The following RUNDC3B variants were observed in gnomAD, a reference collection of about 807,000 sequenced individuals.
The protein encoded by RUNDC3B is RUN domain containing 3B.
Under a neutral mutation model 58.4 loss-of-function variants are expected in RUNDC3B, and 33 were observed. The ratio of observed to expected loss-of-function variants is 0.56; its 90% CI spans 0.43 to 0.75. The LOEUF is 0.75. Ranked by LOEUF, RUNDC3B falls within the 30% of genes least tolerant of loss-of-function variation. RUNDC3B has a pLI of 0.00. For synonymous variants in RUNDC3B, 193 were observed against 195.2 expected (o/e 0.99, Z 0.10); for missense variants, 501 against 535.7 (o/e 0.94, Z 0.64).
intron 10 of RUNDC3B, among the ~76,000 whole-genome samples, chr7:87,817,668 A>G (rs1015005206): frequency 6.6e-6 from 1 of 152,142 alleles, no homozygotes; most frequent in African/African-American, 2.4e-5. Flanking sequence ...ACTGACTGCC[A>G]TACTGTAAAT....
At chr7:87,741,391 T>C (rs1832317362) in intron 5 of RUNDC3B, 108 bp from the exon 6 acceptor site, 9 of 593,770 alleles carry the variant, frequency 1.5e-5, no homozygotes, top group Non-Finnish European at 2.6e-5. Flanking sequence ...AAAAATTCGC[T>C]TGCCATTTGA....
chr7:87,629,974 G>GT (rs1821044074), intron 1 of RUNDC3B, among the ~76,000 whole-genome samples: 1 of 151,726 alleles, frequency 6.6e-6, no homozygotes, highest in Non-Finnish European at 1.5e-5. Context: ...GAGATAACTG[G>GT]TTTTTAACAT....
chr7:87,825,484 C>G (rs796234148), intron 10 of RUNDC3B, among the ~76,000 whole-genome samples: 2 of 152,184 alleles, frequency 1.3e-5, no homozygotes, highest in African/African-American at 4.8e-5. Context: ...AGGGGTGGGG[C>G]CCTCATGAAG....
At chr7:87,640,772 C>T (rs1282810180) in intron 1 of RUNDC3B, among the ~76,000 whole-genome samples, 1 of 152,084 alleles carries the variant, frequency 6.6e-6, no homozygotes, top group Non-Finnish European at 1.5e-5. Flanking sequence ...TCTATTGACT[C>T]CTTTTCTAGT....
chr7:87,739,321 C>T (rs1243238238), intron 4 of RUNDC3B, among the ~76,000 whole-genome samples: 5 of 151,940 alleles, frequency 3.3e-5, no homozygotes, highest in Admixed American at 2.6e-4. Context: ...CTCCCAAATT[C>T]TTAACTTACT....
intron 4 of RUNDC3B, among the ~76,000 whole-genome samples, chr7:87,738,016 T>C (rs919088007): frequency 6.6e-6 from 1 of 152,098 alleles, no homozygotes; most frequent in Non-Finnish European, 1.5e-5. Context: ...CAAGCAAGAA[T>C]AGTTTTGAGC....
chr7:87,778,628 A>C (rs1013637974), intron 8 of RUNDC3B, among the ~76,000 whole-genome samples: 3 of 152,182 alleles, frequency 2.0e-5, no homozygotes, highest in African/African-American at 7.2e-5. Context: ...AGCGCTACTC[A>C]AAGTATAGTG....
chr7:87,780,264 C>T (rs901314934), intron 8 of RUNDC3B, among the ~76,000 whole-genome samples: 4 of 152,168 alleles, frequency 2.6e-5, no homozygotes, highest in African/African-American at 7.2e-5. Context: ...TAAGCATTCC[C>T]TTTTCTCCAT....
chr7:87,664,798 A>G (rs1346078783), intron 2 of RUNDC3B, among the ~76,000 whole-genome samples: 1 of 152,178 alleles, frequency 6.6e-6, no homozygotes, highest in Non-Finnish European at 1.5e-5. Flanking sequence ...AGAGATTAAT[A>G]TAGAAAATAC....
intron 2 of RUNDC3B, among the ~76,000 whole-genome samples, chr7:87,687,304 A>C (rs28381742): frequency 1.9e-3 from 282 of 152,108 alleles, no homozygotes; most frequent in African/African-American, 6.6e-3. Context: ...TAAGGAGCAC[A>C]CTTCTTCTAG....
At chr7:87,745,930 G>C (rs1307945477) in intron 6 of RUNDC3B, among the ~76,000 whole-genome samples, 1 of 152,028 alleles carries the variant, frequency 6.6e-6, no homozygotes, top group Non-Finnish European at 1.5e-5. Context: ...TTTTGATATA[G>C]GTATTTAGGG....
intron 6 of RUNDC3B, among the ~76,000 whole-genome samples, chr7:87,747,729 C>T (rs1306611452): frequency 6.6e-6 from 1 of 152,060 alleles, no homozygotes; most frequent in African/African-American, 2.4e-5. Context: ...TTATGGCTGC[C>T]TCTGCTGAGA....
At chr7:87,681,186 G>A (rs1826895265) in intron 2 of RUNDC3B, among the ~76,000 whole-genome samples, 2 of 150,560 alleles carry the variant, frequency 1.3e-5, no homozygotes, top group African/African-American at 4.9e-5. Flanking sequence ...AGTTGAATCA[G>A]TATTTAAAAC....
At chr7:87,795,417 A>G (rs1835761152) in intron 8 of RUNDC3B, among the ~76,000 whole-genome samples, 1 of 152,354 alleles carries the variant, frequency 6.6e-6, no homozygotes, top group Non-Finnish European at 1.5e-5. Context: ...GCAGATCAAA[A>G]TTACAATGAG....
chr7:87,786,706 G>C (rs1163859211), intron 8 of RUNDC3B, among the ~76,000 whole-genome samples: 2 of 151,874 alleles, frequency 1.3e-5, no homozygotes, highest in Non-Finnish European at 2.9e-5. Context: ...TTTTTCAAAA[G>C]AGATGTTTTC....
chr7:87,720,901 T>C (rs1364603716), intron 4 of RUNDC3B, among the ~76,000 whole-genome samples: 1 of 704 alleles, frequency 1.4e-3, no homozygotes, highest in East Asian at 0.033. Context: ...TGTTTGGACA[T>C]TTAGCTAATT....
At chr7:87,788,703 C>CTTTT (rs5885597) in intron 8 of RUNDC3B, among the ~76,000 whole-genome samples, 2 of 128,292 alleles carry the variant, frequency 1.6e-5, no homozygotes, top group African/African-American at 5.7e-5. Context: ...CTTTTCAAAA[C>CTTTT]TTTTTTTTTT....
chr7:87,828,293 G>C (rs1198008850), intron 10 of RUNDC3B, among the ~76,000 whole-genome samples: 1 of 152,026 alleles, frequency 6.6e-6, no homozygotes, highest in African/African-American at 2.4e-5. Flanking sequence ...GTGATGCTGA[G>C]GTTTAGGGTA....
intron 3 of RUNDC3B, among the ~76,000 whole-genome samples, chr7:87,708,622 T>A (rs915831416): frequency 2.0e-5 from 3 of 152,180 alleles, no homozygotes; most frequent in African/African-American, 4.8e-5. Context: ...ATTTTAATTT[T>A]CCCACTCTGT....
Sources: gnomAD v4.1 joint callset for allele counts (sites outside exome capture counted in the v4.1 genomes callset) on GRCh38, gnomAD v4.1.1 for gene constraint, MANE v1.5 for transcripts, NCBI Gene and HGNC (gene_info 2026-07-23, HGNC 2026-07-21) for gene names.